TMTC2: variants seen among roughly 807,000 people sequenced by gnomAD.
The protein encoded by TMTC2 is protein O-mannosyl-transferase TMTC2.
A neutral mutation model predicts 82.4 loss-of-function variants in TMTC2; 43 were observed. The ratio of observed to expected loss-of-function variants is 0.52; its 90% CI spans 0.41 to 0.67. The LOEUF (loss-of-function observed/expected upper bound fraction) is 0.67, where lower values mean the gene tolerates loss of function less well. TMTC2 is among the 30% of genes least tolerant of loss of function. The pLI, the probability that TMTC2 is intolerant of heterozygous loss-of-function variation, is 0.00. For missense variants in TMTC2, 919 were observed against 1,012.4 expected (o/e 0.91, Z 1.25); for synonymous variants, 408 against 381.9 (o/e 1.07, Z -0.80).
intron 2 of TMTC2, among the ~76,000 whole-genome samples, chr12:82,879,218 A>T (rs1245461381): frequency 6.6e-6 from 1 of 152,132 alleles, no homozygotes; most frequent in African/African-American, 2.4e-5. Flanking sequence ...AGGTCTGTTG[A>T]AGAACTGGAC....
chr12:83,035,048 A>G (rs915882347), intron 9 of TMTC2, among the ~76,000 whole-genome samples: 4 of 152,188 alleles, frequency 2.6e-5, no homozygotes, highest in South Asian at 2.1e-4. Context: ...GCAAATGCCA[A>G]TGAAAGTGCC....
At chr12:83,114,973 C>A (rs1884708292) in intron 11 of TMTC2, among the ~76,000 whole-genome samples, 1 of 151,994 alleles carries the variant, frequency 6.6e-6, no homozygotes. Flanking sequence ...TGAGTCTCTG[C>A]TTGTATCTTC....
chr12:82,742,216 CA>C (rs1379039333), intron 1 of TMTC2, among the ~76,000 whole-genome samples: 1 of 152,086 alleles, frequency 6.6e-6, no homozygotes, highest in Non-Finnish European at 1.5e-5. Flanking sequence ...CCTTATGACC[CA>C]AATCCTTCAA....
chr12:82,829,073 C>T (rs1048265487), intron 1 of TMTC2, among the ~76,000 whole-genome samples: 2 of 152,140 alleles, frequency 1.3e-5, no homozygotes, highest in Admixed American at 6.5e-5. Context: ...TAGTAGGTAG[C>T]AGCATTGTCC....
intron 1 of TMTC2, among the ~76,000 whole-genome samples, chr12:82,768,875 G>T (rs934621690): frequency 1.7e-4 from 26 of 151,970 alleles, no homozygotes; most frequent in Admixed American, 3.9e-4. Context: ...TTTGACTGTG[G>T]CAAGATTGTG....
intron 1 of TMTC2, among the ~76,000 whole-genome samples, chr12:82,820,024 C>A (rs935888634): frequency 1.3e-5 from 2 of 152,118 alleles, no homozygotes; most frequent in African/African-American, 2.4e-5. Flanking sequence ...AGTCTGTGGT[C>A]AAAGGTCCAA....
At chr12:82,973,234 G>A (rs559626864) in intron 7 of TMTC2, among the ~76,000 whole-genome samples, 28 of 152,198 alleles carry the variant, frequency 1.8e-4, no homozygotes, top group Middle Eastern at 3.4e-3. Flanking sequence ...CTACGAATAT[G>A]AATATGACCA....
chr12:83,052,180 G>A (rs1172819427), intron 10 of TMTC2, among the ~76,000 whole-genome samples: 1 of 151,858 alleles, frequency 6.6e-6, no homozygotes, highest in East Asian at 1.9e-4. Flanking sequence ...GTTCACAATT[G>A]GATGGTGACA....
At chr12:82,688,854 G>A (rs1264967080) in intron 1 of TMTC2, among the ~76,000 whole-genome samples, 1 of 152,108 alleles carries the variant, frequency 6.6e-6, no homozygotes, top group Admixed American at 6.5e-5. Flanking sequence ...TCTTCTTCTC[G>A]TCGTAATTAG....
At chr12:82,737,441 A>T (rs2136949040) in intron 1 of TMTC2, among the ~76,000 whole-genome samples, 1 of 152,258 alleles carries the variant, frequency 6.6e-6, no homozygotes, top group South Asian at 2.1e-4. Flanking sequence ...CTGTCTTGTG[A>T]GACTCGACAG....
At chr12:82,985,124 T>G (rs1879099259) in intron 7 of TMTC2, among the ~76,000 whole-genome samples, 1 of 152,150 alleles carries the variant, frequency 6.6e-6, no homozygotes, top group Non-Finnish European at 1.5e-5. Flanking sequence ...AGTCGTGCGA[T>G]CAGGGCTCAC....
At chr12:82,872,870 T>A (rs1369046090) in intron 2 of TMTC2, among the ~76,000 whole-genome samples, 1 of 152,180 alleles carries the variant, frequency 6.6e-6, no homozygotes, top group East Asian at 1.9e-4. Context: ...TAAAAATTAC[T>A]ATTCAAAGAC....
At chr12:82,876,707 GT>G (rs201018620) in intron 2 of TMTC2, among the ~76,000 whole-genome samples, 1 of 151,732 alleles carries the variant, frequency 6.6e-6, no homozygotes, top group African/African-American at 2.4e-5. Context: ...GTTATTTCAG[GT>G]TTTTTTCATT....
At chr12:83,093,115 A>G (rs914159264) in intron 11 of TMTC2, among the ~76,000 whole-genome samples, 6 of 152,114 alleles carry the variant, frequency 3.9e-5, no homozygotes, top group African/African-American at 1.4e-4. Context: ...ATGCACATGT[A>G]TGTGCATGCA....
intron 1 of TMTC2, among the ~76,000 whole-genome samples, chr12:82,793,755 C>A (rs1246751305): frequency 6.6e-6 from 1 of 152,104 alleles, no homozygotes; most frequent in Non-Finnish European, 1.5e-5. Flanking sequence ...TAGCATCTTT[C>A]AAACCCTAAT....
intron 1 of TMTC2, among the ~76,000 whole-genome samples, chr12:82,806,809 G>T (rs1218944106): frequency 1.3e-5 from 2 of 152,078 alleles, no homozygotes; most frequent in Non-Finnish European, 2.9e-5. Flanking sequence ...AGGAAGAAGA[G>T]GGGGGTTGGT....
chr12:83,037,064 C>T (rs1254442634), intron 9 of TMTC2, among the ~76,000 whole-genome samples: 3 of 152,278 alleles, frequency 2.0e-5, no homozygotes, highest in East Asian at 3.9e-4. Flanking sequence ...GCCCCACCTA[C>T]CATCATCACC....
intron 11 of TMTC2, among the ~76,000 whole-genome samples, chr12:83,110,243 C>T (rs1486259678): frequency 6.6e-6 from 1 of 152,170 alleles, no homozygotes; most frequent in East Asian, 1.9e-4. Flanking sequence ...TCGCTAGATG[C>T]CTTTGGTCTT....
intron 1 of TMTC2, among the ~76,000 whole-genome samples, chr12:82,808,616 A>AT (rs1346871788): frequency 6.6e-6 from 1 of 152,082 alleles, no homozygotes; most frequent in Non-Finnish European, 1.5e-5. Context: ...TCACCGTTAT[A>AT]TGCCAGGAGG....
Sources: allele counts gnomAD v4.1 joint callset (sites outside exome capture counted in the v4.1 genomes callset), GRCh38; gene constraint gnomAD v4.1.1; transcripts MANE v1.5; gene names NCBI Gene and HGNC (gene_info 2026-07-23, HGNC 2026-07-21).